The following ZNF292 variants were observed in gnomAD, a reference collection of about 807,000 sequenced individuals.
ZNF292 encodes the protein 16 zinc-finger domain protein.
Under a neutral mutation model 217.9 loss-of-function variants are expected in ZNF292, and 26 were observed. That is an observed-to-expected ratio of 0.12 (90% CI 0.09 to 0.17). The LOEUF (loss-of-function observed/expected upper bound fraction) is 0.17. Among genes scored for constraint, ZNF292 ranks in the 10% least tolerant of loss-of-function variants. ZNF292 has a pLI of 1.00. For missense variants in ZNF292, 2,904 were observed against 3,175.2 expected (o/e 0.91, Z 2.05); for synonymous variants, 1,257 against 1,124.1 (o/e 1.12, Z -2.37).
intron 1 of ZNF292, among the ~76,000 whole-genome samples, chr6:87,203,599 G>T (rs185454361): frequency 1.6e-5 from 2 of 126,722 alleles, no homozygotes; most frequent in African/African-American, 3.9e-5. Context: ...TATCTGCAAG[G>T]GGGGGTGGGG....
intron 1 of ZNF292, chr6:87,174,420 A>C (rs914957796): frequency 6.6e-6 from 1 of 152,226 alleles, no homozygotes; most frequent in African/African-American, 2.4e-5. Context: ...TGATACCTTG[A>C]TGTATAAAAT....
At chr6:87,242,982 T>C (rs952518030) in intron 5 of ZNF292, among the ~76,000 whole-genome samples, 1 of 152,160 alleles carries the variant, frequency 6.6e-6, no homozygotes, top group African/African-American at 2.4e-5. Context: ...CATAAAATGC[T>C]TCATACTATA....
chr6:87,238,250 A>C (rs1773996123), intron 5 of ZNF292, among the ~76,000 whole-genome samples: 1 of 152,098 alleles, frequency 6.6e-6, no homozygotes, highest in South Asian at 2.1e-4. Context: ...ACTTTGGGAC[A>C]CCAAAGTGGG....
chr6:87,249,382 C>T, intron 7 of ZNF292: 1 of 425,114 alleles, frequency 2.4e-6, no homozygotes, highest in Non-Finnish European at 4.7e-6. Context: ...CGTGCCTTGG[C>T]CTTCCAAAGT....
At chr6:87,215,798 A>G (rs962696433) in intron 1 of ZNF292, 105 bp from the exon 2 acceptor site, 3 of 805,822 alleles carry the variant, frequency 3.7e-6, no homozygotes, top group Non-Finnish European at 5.4e-6. Context: ...GTTTTTATAA[A>G]TAAAAATCTG....
chr6:87,223,454 AAGTT>A (rs1486075091), intron 4 of ZNF292: 1 of 152,224 alleles, frequency 6.6e-6, no homozygotes, highest in Admixed American at 6.5e-5. Context: ...CTCCACTGTG[AAGTT>A]ACTCTTTTCT....
In ZNF292 at chr6:87,257,313, T is replaced by C. The variant is rs1037884942; in HGVS notation, c.3684T>C (p.Cys1228=). The part of the protein sequence containing the change: ...QDKNEQGGML[C]SQMENLPSTA... ...AAAATGAACAAGGTGGTATGTTATG[T>C]TCCCAAATGGAAAATTTACCTAGTA... Residue 1228 remains cysteine, a synonymous_variant, in exon 8 of 8, where the codon TGT becomes TGC. Transcript: ENST00000369577. 1 of 1,613,716 alleles carries C rather than the reference T, an allele frequency of 6.2e-7. No individual in the cohort carries two copies. Among genetic ancestry groups the C allele is most frequent in the African/African-American group, 1.3e-5 (1 of 75,050 alleles).
chr6:87,260,904 T>A lies in ZNF292; in HGVS notation c.7275T>A (p.Ile2425=), dbSNP rs771309284. 3 of 1,610,812 alleles carry A rather than the reference T, an allele frequency of 1.9e-6. No homozygotes were observed. In the South Asian group the frequency reaches 3.3e-5, roughly 18 times the overall value. The change falls in exon 8 of 8, where the codon ATT becomes ATA. Residue 2425 remains isoleucine (I), a synonymous_variant. Transcript: ENST00000369577. ...CATCACAACACCGAAATCTTCTTAT[T>A]GTATTCAAACGGTGTTGCAACTCAC... The part of the protein sequence containing the change: ...AFTSQHRNLL[I]VFKRCCNSQV...
At chr6:87,196,879 G>A (rs1352751598) in intron 1 of ZNF292, among the ~76,000 whole-genome samples, 1 of 152,116 alleles carries the variant, frequency 6.6e-6, no homozygotes, top group African/African-American at 2.4e-5. Flanking sequence ...ATATAAAAAT[G>A]AATTTTTATG....
intron 1 of ZNF292, among the ~76,000 whole-genome samples, chr6:87,159,717 G>T (rs1479515872): frequency 6.6e-6 from 1 of 151,796 alleles, no homozygotes. Context: ...GGTCAGGCTG[G>T]TTCCGCCCCT....
chr6:87,250,568 A>G (rs1255988280), intron 7 of ZNF292, among the ~76,000 whole-genome samples: 1 of 152,254 alleles, frequency 6.6e-6, no homozygotes, highest in Non-Finnish European at 1.5e-5. Context: ...ATTAGGTATT[A>G]TAAGTAATAC....
rs564890807 is a variant in ZNF292, at chr6:87,264,933, A to G, written c.*3132A>G. 1.2e-3 allele frequency among the ~76,000 whole-genome samples: 190 copies of G among 152,298 alleles called. No homozygotes were observed. Among genetic ancestry groups the G allele is most frequent in the African/African-American group, 4.3e-3 (177 of 41,572 alleles). On this transcript the variant is annotated 3_prime_UTR_variant, in exon 8 of 8. Coordinates refer to ENST00000369577, the MANE Select transcript of ZNF292 (RefSeq NM_015021.3). ...CAAAAAATGATGGGAGCCAGAAGAA[A>G]GGCTAACGAAGTTGGGGAAGAGACT...
chr6:87,165,980 A>G (rs9359737), intron 1 of ZNF292, among the ~76,000 whole-genome samples: 17,699 of 151,886 alleles, frequency 0.12, 1,169 homozygotes, highest in African/African-American at 0.17. Context: ...CTGGTCTCAA[A>G]CTCCTGACCT....
chr6:87,155,974 G>C (rs1187229931), intron 1 of ZNF292, among the ~76,000 whole-genome samples: 1 of 152,252 alleles, frequency 6.6e-6, no homozygotes, highest in Non-Finnish European at 1.5e-5. Context: ...GGGAGTTGCG[G>C]TCAAGGCGGA....
Position 87,204,554 on chromosome 6 carries a change from A to ATTTTTTTT in ZNF292, c.169-11330_169-11323dup, listed in dbSNP as rs68087857. On this transcript the variant is annotated intron_variant, in intron 1 of 7. Coordinates refer to ENST00000369577, the MANE Select transcript of ZNF292 (RefSeq NM_015021.3). ...TAGGATTTGGTTGGTAACATTTAGG[A>ATTTTTTTT]TTTTTTTTTTTTTTTTTTTTTTTTT... 4.0e-3 allele frequency among the ~76,000 whole-genome samples: 252 copies of ATTTTTTTT among 63,642 alleles called. 55 individuals carry two copies. The highest frequency in any genetic ancestry group is 0.011 in the African/African-American group (158 of 14,382). The allele number at this position is 63,642 out of a possible 152,430, so 41.8% of individuals were successfully genotyped here. A position where few individuals can be genotyped will look rare whatever the true frequency, so the allele number is the denominator to read the frequency against.
intron 1 of ZNF292, among the ~76,000 whole-genome samples, chr6:87,206,919 C>T (rs1772273619): frequency 6.6e-6 from 1 of 152,134 alleles, no homozygotes; most frequent in Non-Finnish European, 1.5e-5. Flanking sequence ...TCTGAAGTTT[C>T]TTTGCAGAAG....
intron 1 of ZNF292, among the ~76,000 whole-genome samples, chr6:87,160,571 T>C (rs929508443): frequency 6.6e-6 from 1 of 151,414 alleles, no homozygotes; most frequent in Non-Finnish European, 1.5e-5. Context: ...TACAGGAGAC[T>C]CTAATAAAAA....
intron 6 of ZNF292, 34 bp from the exon 7 acceptor site, chr6:87,245,469 C>G: frequency 4.2e-6 from 6 of 1,444,802 alleles, no homozygotes; most frequent in Non-Finnish European, 5.5e-6. Context: ...CCTTACTGCT[C>G]CAACTTTTCT....
At chr6:87,214,394 C>T (rs190379759) in intron 1 of ZNF292, among the ~76,000 whole-genome samples, 88 of 152,150 alleles carry the variant, frequency 5.8e-4, no homozygotes, top group African/African-American at 1.9e-3. Flanking sequence ...TTGTTTTTAT[C>T]CTCACGTAGA....
Sources: allele counts gnomAD v4.1 joint callset (sites outside exome capture counted in the v4.1 genomes callset), GRCh38; gene constraint gnomAD v4.1.1; transcripts MANE v1.5; gene names NCBI Gene and HGNC (gene_info 2026-07-23, HGNC 2026-07-21).